SLC60A1: variants seen among roughly 807,000 people sequenced by gnomAD.
SLC60A1 encodes major facilitator superfamily domain containing 4.
At chr1:205,571,964 G>T in the SLC60A1 span, among the ~76,000 whole-genome samples, 4 of 152,128 alleles carry the variant, frequency 2.6e-5, no homozygotes, top group African/African-American at 9.7e-5. Flanking sequence ...TGTCTTTCTC[G>T]TGGGTTCCTA....
At chr1:205,584,188 C>T in the SLC60A1 span, 1 of 1,501,792 alleles carries the variant, frequency 6.7e-7, no homozygotes, top group Non-Finnish European at 9.0e-7. Context: ...TAACCCCTCT[C>T]CCAGAGAGAG....
the SLC60A1 span, among the ~76,000 whole-genome samples, chr1:205,590,031 T>C: frequency 6.6e-6 from 1 of 152,176 alleles, no homozygotes; most frequent in African/African-American, 2.4e-5. Context: ...TGCCCTCACT[T>C]GATGTGTGCA....
At chr1:205,573,043 G>T in the SLC60A1 span, among the ~76,000 whole-genome samples, 1 of 152,126 alleles carries the variant, frequency 6.6e-6, no homozygotes, top group African/African-American at 2.4e-5. Context: ...TGGGACGCTC[G>T]CTTGAGCCCA....
chr1:205,574,397 T>C, the SLC60A1 span, among the ~76,000 whole-genome samples: 17 of 152,148 alleles, frequency 1.1e-4, no homozygotes, highest in South Asian at 2.1e-3. Flanking sequence ...TGAGCCATGA[T>C]TGCATCACTG....
At chr1:205,595,581 G>C in the SLC60A1 span, among the ~76,000 whole-genome samples, 1 of 152,196 alleles carries the variant, frequency 6.6e-6, no homozygotes, top group African/African-American at 2.4e-5. Context: ...GGGCTGTGCA[G>C]GCAATAGCAC....
At chr1:205,596,709 G>A in the SLC60A1 span, among the ~76,000 whole-genome samples, 1 of 151,890 alleles carries the variant, frequency 6.6e-6, no homozygotes, top group African/African-American at 2.4e-5. Context: ...CATTAGCAGG[G>A]GCAGAGTCTA....
At chr1:205,592,128 C>A in the SLC60A1 span, 1 of 1,613,902 alleles carries the variant, frequency 6.2e-7, no homozygotes, top group African/African-American at 1.3e-5. Context: ...GCCTCCACCT[C>A]TGCCGCGACA....
the SLC60A1 span, chr1:205,598,059 A>C: frequency 3.8e-6 from 2 of 530,894 alleles, no homozygotes; most frequent in South Asian, 4.3e-5. Context: ...CTGGAGATGT[A>C]AACGGATGCA....
At chr1:205,579,671 C>A in the SLC60A1 span, 2 of 1,525,694 alleles carry the variant, frequency 1.3e-6, no homozygotes, top group East Asian at 4.5e-5. Context: ...CTTGGCTGCC[C>A]AGACCACCCA....
At chr1:205,570,025 G>A in the SLC60A1 span, among the ~76,000 whole-genome samples, 3 of 151,060 alleles carry the variant, frequency 2.0e-5, no homozygotes, top group Non-Finnish European at 1.5e-5. Context: ...TGACTCTCCA[G>A]CCCTGGTGCC....
the SLC60A1 span, chr1:205,598,223 C>T: frequency 1.1e-5 from 2 of 184,664 alleles, no homozygotes; most frequent in Middle Eastern, 2.3e-3. Context: ...CCTACCCCAC[C>T]TCTCACAGCC....
the SLC60A1 span, chr1:205,602,862 AAAC>A: frequency 1.3e-5 from 2 of 152,236 alleles, no homozygotes; most frequent in South Asian, 4.1e-4. Flanking sequence ...TTAATACAGA[AAAC>A]AACATTAACA....
chr1:205,580,623 A>ACCG, the SLC60A1 span: 3 of 1,570,442 alleles, frequency 1.9e-6, no homozygotes, highest in Non-Finnish European at 1.7e-6. This position sits in a 1 kb window ranked among gnomAD's most constrained non-coding sequence, Gnocchi z 5.0. Flanking sequence ...CTGAAGACTG[A>ACCG]CCCCCACCCC....
the SLC60A1 span, chr1:205,599,110 CTG>C: frequency 2.5e-6 from 4 of 1,613,502 alleles, no homozygotes; most frequent in South Asian, 1.1e-5. Flanking sequence ...GTCTGTCTCT[CTG>C]TGTTTTCCCC....
the SLC60A1 span, chr1:205,569,245 C>G: frequency 3.2e-6 from 5 of 1,570,026 alleles, no homozygotes; most frequent in Non-Finnish European, 4.3e-6. Flanking sequence ...GTCTTCTTCT[C>G]GCAGCAGCTC....
chr1:205,592,079 TC>T, the SLC60A1 span: 6 of 1,598,842 alleles, frequency 3.8e-6, no homozygotes, highest in African/African-American at 6.7e-5. Flanking sequence ...TCCTGGCGGT[TC>T]CTCACCACCG....
chr1:205,597,051 G>A, the SLC60A1 span, among the ~76,000 whole-genome samples: 38 of 152,284 alleles, frequency 2.5e-4, no homozygotes, highest in African/African-American at 7.5e-4. Context: ...TCATCAGGGC[G>A]TGTGGCTGGT....
At chr1:205,570,471 G>A in the SLC60A1 span, among the ~76,000 whole-genome samples, 1 of 152,252 alleles carries the variant, frequency 6.6e-6, no homozygotes, top group Non-Finnish European at 1.5e-5. Context: ...GCCTACAGGT[G>A]TTCGTGAGGG....
chr1:205,569,055 C>T, the SLC60A1 span: 3 of 1,456,156 alleles, frequency 2.1e-6, no homozygotes, highest in Admixed American at 7.1e-5. Context: ...ATCCGCGAGC[C>T]CGTCAGCCTG....
Sources: gnomAD v4.1 joint callset for allele counts (sites outside exome capture counted in the v4.1 genomes callset) on GRCh38, gnomAD v4.1.1 for gene constraint, Gnocchi (gnomAD v3.1) non-coding constraint, MANE v1.5 for transcripts, NCBI Gene and HGNC (gene_info 2026-07-23, HGNC 2026-07-21) for gene names.